CD96: variants seen among roughly 807,000 people sequenced by gnomAD.
CD96 encodes the protein CD96 molecule.
Under a neutral mutation model 71.3 loss-of-function variants are expected in CD96, and 70 were observed. The observed-to-expected ratio is 0.98, with a 90% CI of 0.81 to 1.20. The LOEUF is 1.20. CD96 is among the 50% of genes most tolerant of loss of function. The pLI is 0.00. For missense variants in CD96, 742 were observed against 677.5 expected, an observed-to-expected ratio of 1.10 and a Z score of -1.06; for synonymous variants, 248 against 233.0, an observed-to-expected ratio of 1.06 and a Z score of -0.59.
chr3:111,627,828 A>G (rs1938852944), intron 10 of CD96, among the ~76,000 whole-genome samples: 1 of 152,152 alleles, frequency 6.6e-6, no homozygotes. Context: ...CTGTTTCACA[A>G]CCTTCACTGA....
intron 2 of CD96, among the ~76,000 whole-genome samples, chr3:111,551,205 A>G (rs1314081203): frequency 6.6e-6 from 1 of 152,136 alleles, no homozygotes; most frequent in African/African-American, 2.4e-5. Flanking sequence ...GATTTTGTAG[A>G]TGAGCTATTT....
chr3:111,612,482 C>T (rs1444188140), intron 8 of CD96, among the ~76,000 whole-genome samples: 1 of 152,204 alleles, frequency 6.6e-6, no homozygotes, highest in Non-Finnish European at 1.5e-5. Context: ...TGGTTGCCTC[C>T]AATGTGTATG....
intron 3 of CD96, among the ~76,000 whole-genome samples, chr3:111,574,359 T>A (rs1936127642): frequency 6.6e-6 from 1 of 152,190 alleles, no homozygotes; most frequent in Non-Finnish European, 1.5e-5. Context: ...GATTTCAGAT[T>A]TTCAGATTTA....
chr3:111,598,342 C>A, intron 6 of CD96, 132 bp downstream of exon 6: 1 of 680,246 alleles, frequency 1.5e-6, no homozygotes, highest in Non-Finnish European at 2.7e-6. Flanking sequence ...CATCATTCTG[C>A]CTACCAAATG....
In CD96 at chr3:111,542,206, T is replaced by C. The variant is rs753334850; in HGVS notation, c.-43T>C. 6 of 1,581,308 alleles carry C rather than the reference T, an allele frequency of 3.8e-6. No individual in the cohort carries two copies. Among genetic ancestry groups the C allele is most frequent in the South Asian group, 1.1e-5 (1 of 90,460 alleles). ...TTTGCTTGAAAACATCAATTGACTT[T>C]GTGATCATTACAGAAATGCTGGTGT... is the stretch of plus-strand genomic sequence containing the variant. On this transcript the variant is annotated 5_prime_UTR_variant, in exon 1 of 14. Transcript: ENST00000352690.
intron 7 of CD96, 46 bp from the exon 8 acceptor site, chr3:111,606,654 G>T: frequency 1.1e-6 from 1 of 935,718 alleles, no homozygotes; most frequent in Non-Finnish European, 1.8e-6. Context: ...TTTATCTTTT[G>T]ATTACAATAT....
intron 2 of CD96, among the ~76,000 whole-genome samples, chr3:111,555,511 A>G (rs1389610415): frequency 6.6e-6 from 1 of 152,294 alleles, no homozygotes; most frequent in African/African-American, 2.4e-5. Flanking sequence ...TTCTTTTAGC[A>G]TTTTGAATAT....
chr3:111,607,455 A>G (rs1267192345), intron 8 of CD96, among the ~76,000 whole-genome samples: 12 of 152,202 alleles, frequency 7.9e-5, no homozygotes, highest in African/African-American at 2.9e-4. Context: ...AGTGACTCTC[A>G]AAACTTGTCA....
intron 8 of CD96, among the ~76,000 whole-genome samples, chr3:111,622,155 T>G (rs975343235): frequency 7.2e-5 from 11 of 152,152 alleles, no homozygotes. Context: ...CCTTTTCTAG[T>G]GCAACACTTT....
chr3:111,605,201 T>C (rs1937589978), intron 7 of CD96, among the ~76,000 whole-genome samples: 1 of 152,208 alleles, frequency 6.6e-6, no homozygotes, highest in Admixed American at 6.5e-5. Context: ...TTGAGGGGCA[T>C]ATATGATGAC....
intron 7 of CD96, among the ~76,000 whole-genome samples, chr3:111,601,827 T>A (rs993970533): frequency 6.6e-5 from 10 of 152,188 alleles, no homozygotes; most frequent in Admixed American, 3.9e-4. Context: ...GCATCTTGGG[T>A]TCTGTCCAGC....
intron 2 of CD96, among the ~76,000 whole-genome samples, chr3:111,550,501 A>C (rs757438053): frequency 2.0e-5 from 3 of 152,148 alleles, no homozygotes; most frequent in Non-Finnish European, 4.4e-5. Context: ...GTAGTTAAAT[A>C]CACAGTATGG....
intron 4 of CD96, among the ~76,000 whole-genome samples, chr3:111,581,107 C>T (rs1936443215): frequency 6.6e-6 from 1 of 152,000 alleles, no homozygotes; most frequent in Non-Finnish European, 1.5e-5. Context: ...TTTTTATCAC[C>T]CTATTGGATT....
intron 10 of CD96, 76 bp downstream of exon 10, chr3:111,624,480 A>G (rs530726285): frequency 1.4e-5 from 12 of 846,082 alleles, no homozygotes; most frequent in Middle Eastern, 2.2e-4. Context: ...AACGACATCT[A>G]TGTGCTTTGT....
intron 2 of CD96, among the ~76,000 whole-genome samples, chr3:111,550,051 G>A (rs1934616005): frequency 6.6e-6 from 1 of 152,100 alleles, no homozygotes; most frequent in Non-Finnish European, 1.5e-5. Flanking sequence ...GATGGAGAAA[G>A]GTGAGTCTTC....
intron 5 of CD96, among the ~76,000 whole-genome samples, chr3:111,596,958 ATG>A (rs1553705246): frequency 6.6e-6 from 1 of 152,176 alleles, no homozygotes; most frequent in Non-Finnish European, 1.5e-5. Context: ...TTCTGTAGCA[ATG>A]TACTGAGAAA....
At chr3:111,665,384 G>A (rs1476991604) in intron 14 of CD96, 1 of 152,104 alleles carries the variant, frequency 6.6e-6, no homozygotes, top group Admixed American at 6.5e-5. Flanking sequence ...AATCCAAAAT[G>A]CTGTTTCATT....
intron 12 of CD96, among the ~76,000 whole-genome samples, chr3:111,639,791 G>A (rs1939507768): frequency 6.6e-6 from 1 of 152,096 alleles, no homozygotes; most frequent in South Asian, 2.1e-4. Context: ...CCCATAGATG[G>A]TTCATATCAC....
intron 3 of CD96, among the ~76,000 whole-genome samples, chr3:111,569,874 C>A (rs148037933): frequency 6.6e-6 from 1 of 152,240 alleles, no homozygotes; most frequent in Admixed American, 6.5e-5. Flanking sequence ...GACCCACTTT[C>A]CTCCGAAGGG....
Sources: allele counts gnomAD v4.1 joint callset (sites outside exome capture counted in the v4.1 genomes callset), GRCh38; gene constraint gnomAD v4.1.1; transcripts MANE v1.5; gene names NCBI Gene and HGNC (gene_info 2026-07-23, HGNC 2026-07-21).